ZNF704: variants seen among roughly 807,000 people sequenced by gnomAD.
ZNF704 encodes the protein zinc finger protein 704.
A neutral mutation model predicts 44.7 loss-of-function variants in ZNF704; 10 were observed. The observed-to-expected ratio is 0.22, with a 90% CI of 0.14 to 0.38. ZNF704 has a LOEUF of 0.38. ZNF704 is among the 10% of genes least tolerant of loss of function. ZNF704 has a pLI of 1.00. For missense variants in ZNF704, 390 were observed against 545.5 expected, an observed-to-expected ratio of 0.71 and a Z score of 2.84; for synonymous variants, 211 against 207.6, an observed-to-expected ratio of 1.02 and a Z score of -0.14.
In ZNF704 at chr8:80,764,921, G is replaced by A. The variant is rs144212678; in HGVS notation, c.221+56453C>T. 5.9e-5 allele frequency among the ~76,000 whole-genome samples: 9 copies of A among 152,296 alleles called. No individual in the cohort carries two copies. The East Asian group carries it at 1.7e-3, about 29-fold the overall frequency. Reference sequence around the variant, plus strand: ...AATCTGTATCAGTCAGGGTTCTCCAGGGAGATGGAACCAATAGCATATGCA... The same window carrying A: ...AATCTGTATCAGTCAGGGTTCTCCAAGGAGATGGAACCAATAGCATATGCA... On this transcript the variant is annotated intron_variant, in intron 2 of 8. Transcript: ENST00000327835.
At chr8:80,848,243 G>T (rs888089367) in intron 1 of ZNF704, among the ~76,000 whole-genome samples, 2 of 152,196 alleles carry the variant, frequency 1.3e-5, no homozygotes, top group African/African-American at 4.8e-5. Context: ...GAACGGCGGA[G>T]AGGCAAGGAG....
intron 2 of ZNF704, among the ~76,000 whole-genome samples, chr8:80,749,942 T>C (rs1365744010): frequency 2.0e-5 from 3 of 152,118 alleles, no homozygotes; most frequent in Non-Finnish European, 4.4e-5. Flanking sequence ...TGGTTCCAGG[T>C]GCGTGAATCT....
intron 2 of ZNF704, among the ~76,000 whole-genome samples, chr8:80,806,222 A>G (rs1446096506): frequency 6.6e-6 from 1 of 152,228 alleles, no homozygotes; most frequent in Admixed American, 6.5e-5. Flanking sequence ...ATTCAAACCC[A>G]AAGTCTTAAT....
chr8:80,697,539 G>A (rs1818745006), intron 2 of ZNF704, among the ~76,000 whole-genome samples: 1 of 152,194 alleles, frequency 6.6e-6, no homozygotes, highest in Non-Finnish European at 1.5e-5. Flanking sequence ...ATGATTAAGA[G>A]TTTAGGCTCC....
intron 1 of ZNF704, among the ~76,000 whole-genome samples, chr8:80,856,366 A>G (rs1462726059): frequency 6.6e-6 from 1 of 152,188 alleles, no homozygotes; most frequent in Non-Finnish European, 1.5e-5. Flanking sequence ...TGCTAAAATG[A>G]TGACCTAAAA....
chr8:80,707,973 C>T (rs565027425), intron 2 of ZNF704, among the ~76,000 whole-genome samples: 128 of 152,174 alleles, frequency 8.4e-4, no homozygotes, highest in Non-Finnish European at 1.1e-3. Flanking sequence ...CCTATGTTGC[C>T]GTCTGGAGGA....
At chr8:80,804,593 A>G (rs1427946599) in intron 2 of ZNF704, among the ~76,000 whole-genome samples, 1 of 152,188 alleles carries the variant, frequency 6.6e-6, no homozygotes, top group Non-Finnish European at 1.5e-5. Flanking sequence ...CAGACACCAC[A>G]TCGTGTTCTC....
chr8:80,822,976 G>A (rs62515126), intron 1 of ZNF704, among the ~76,000 whole-genome samples: 1 of 152,088 alleles, frequency 6.6e-6, no homozygotes, highest in East Asian at 1.9e-4. Context: ...GTTCCAAAAT[G>A]GCCAAATATA....
intron 2 of ZNF704, among the ~76,000 whole-genome samples, chr8:80,787,987 C>T (rs1057274562): frequency 1.3e-5 from 2 of 152,072 alleles, no homozygotes; most frequent in African/African-American, 4.8e-5. Flanking sequence ...TCCTACTTTC[C>T]CATATTAGCA....
chr8:80,808,680 C>T (rs1586042634), intron 2 of ZNF704, among the ~76,000 whole-genome samples: 1 of 152,196 alleles, frequency 6.6e-6, no homozygotes, highest in African/African-American at 2.4e-5. Context: ...AGCTGTCTGG[C>T]ACTTTCAACG....
chr8:80,698,435 T>C (rs1315393010), intron 2 of ZNF704, among the ~76,000 whole-genome samples: 1 of 152,072 alleles, frequency 6.6e-6, no homozygotes, highest in Admixed American at 6.5e-5. Flanking sequence ...GAACATGAAG[T>C]GCAGTGTGCT....
intron 2 of ZNF704, among the ~76,000 whole-genome samples, chr8:80,784,151 C>G (rs573566787): frequency 6.6e-6 from 1 of 152,266 alleles, no homozygotes; most frequent in South Asian, 2.1e-4. Flanking sequence ...GGATGTGCCA[C>G]AGTTTATCCA....
intron 1 of ZNF704, among the ~76,000 whole-genome samples, chr8:80,858,552 T>G (rs77918403): frequency 6.6e-6 from 1 of 152,082 alleles, no homozygotes; most frequent in Non-Finnish European, 1.5e-5. Flanking sequence ...ACCAACATGG[T>G]GAAACCCCCA....
chr8:80,685,895 C>T (rs186498456), intron 4 of ZNF704, among the ~76,000 whole-genome samples: 41 of 152,302 alleles, frequency 2.7e-4, no homozygotes, highest in African/African-American at 8.9e-4. Context: ...AAAAAGTTTG[C>T]ACTGCAGTCC....
intron 4 of ZNF704, among the ~76,000 whole-genome samples, chr8:80,672,187 C>T (rs1818292780): frequency 6.6e-6 from 1 of 152,162 alleles, no homozygotes; most frequent in Admixed American, 6.5e-5. Context: ...CACTAATCAT[C>T]AGAGAAATGC....
chr8:80,796,844 A>AG (rs201778009), intron 2 of ZNF704, among the ~76,000 whole-genome samples: 1 of 148,942 alleles, frequency 6.7e-6, no homozygotes, highest in African/African-American at 2.6e-5. Flanking sequence ...AAGAAAAGAA[A>AG]AAAGAAAGAA....
chr8:80,838,753 A>G (rs1403380415), intron 1 of ZNF704, among the ~76,000 whole-genome samples: 1 of 148,668 alleles, frequency 6.7e-6, no homozygotes, highest in Non-Finnish European at 1.5e-5. Flanking sequence ...GAGGAGGAGG[A>G]GGAGGCCACC....
chr8:80,802,063 T>C (rs1300630689), intron 2 of ZNF704, among the ~76,000 whole-genome samples: 3 of 151,794 alleles, frequency 2.0e-5, no homozygotes, highest in Non-Finnish European at 4.4e-5. Flanking sequence ...GCACATAAAC[T>C]AGAAAATCTA....
At chr8:80,708,617 T>C (rs72671914) in intron 2 of ZNF704, among the ~76,000 whole-genome samples, 5 of 152,370 alleles carry the variant, frequency 3.3e-5, no homozygotes, top group Non-Finnish European at 7.3e-5. Context: ...GTATAAATAA[T>C]AATTTCCACC....
Sources: gnomAD v4.1 joint callset for allele counts (sites outside exome capture counted in the v4.1 genomes callset) on GRCh38, gnomAD v4.1.1 for gene constraint, MANE v1.5 for transcripts, NCBI Gene and HGNC (gene_info 2026-07-23, HGNC 2026-07-21) for gene names.